Variants in ZNF521 observed in about 807,000 individuals in gnomAD.
ZNF521 encodes the protein LYST-interacting protein 3.
In ZNF521, 14 loss-of-function variants were observed where a neutral mutation model predicts 105.5. That is an observed-to-expected ratio of 0.13 (90% CI 0.09 to 0.21). The LOEUF (loss-of-function observed/expected upper bound fraction) is 0.21. Among genes scored for constraint, ZNF521 ranks in the 10% least tolerant of loss-of-function variants. The probability of loss-of-function intolerance (pLI) is 1.00; values close to 1 mark genes in which losing one functional copy is unlikely to be tolerated. For synonymous variants in ZNF521, 635 were observed against 606.0 expected (o/e 1.05, Z -0.70); for missense variants, 1,233 against 1,629.7 (o/e 0.76, Z 4.19).
chr18:25,170,857 T>A (rs12604465), intron 5 of ZNF521, among the ~76,000 whole-genome samples: 8,654 of 152,192 alleles, frequency 0.057, 461 homozygotes, highest in African/African-American at 0.13. Context: ...ATTTTGGCAT[T>A]TGCATTTATG....
At chr18:25,168,607 T>C (rs1405954630) in intron 5 of ZNF521, among the ~76,000 whole-genome samples, 1 of 152,122 alleles carries the variant, frequency 6.6e-6, no homozygotes, top group Non-Finnish European at 1.5e-5. Context: ...CAGTTAAATA[T>C]CTATACAATT....
At chr18:25,320,145 G>C (rs1379708241) in intron 3 of ZNF521, among the ~76,000 whole-genome samples, 1 of 152,108 alleles carries the variant, frequency 6.6e-6, no homozygotes, top group East Asian at 1.9e-4. Flanking sequence ...TTGTGAATTA[G>C]ATAGTAGTAT....
chr18:25,280,644 C>T (rs1910305383), intron 3 of ZNF521, among the ~76,000 whole-genome samples: 2 of 152,068 alleles, frequency 1.3e-5, no homozygotes, highest in Admixed American at 6.6e-5. Context: ...CAGTAGAGCC[C>T]ACATCCAGTA....
intron 5 of ZNF521, among the ~76,000 whole-genome samples, chr18:25,148,934 T>C (rs77537530): frequency 0.029 from 4,488 of 152,276 alleles, 229 homozygotes; most frequent in African/African-American, 0.1. Context: ...CAGCTTCTGT[T>C]ATGTCCCTTT....
chr18:25,248,226 A>C (rs1266012953), intron 3 of ZNF521, among the ~76,000 whole-genome samples: 1 of 152,214 alleles, frequency 6.6e-6, no homozygotes, highest in African/African-American at 2.4e-5. Context: ...CCCTTATAAA[A>C]AAGGAGTTTG....
intron 2 of ZNF521, among the ~76,000 whole-genome samples, chr18:25,347,972 G>C: frequency 6.6e-6 from 1 of 152,152 alleles, no homozygotes; most frequent in East Asian, 1.9e-4. Flanking sequence ...AGGGCCTATT[G>C]CATTTTCATG....
chr18:25,153,757 T>G (rs1282352767), intron 5 of ZNF521, among the ~76,000 whole-genome samples: 1 of 152,218 alleles, frequency 6.6e-6, no homozygotes, highest in Non-Finnish European at 1.5e-5. Flanking sequence ...GGCTTTAGCA[T>G]GATTGCTTTT....
At chr18:25,260,667 T>C (rs1908845716) in intron 3 of ZNF521, among the ~76,000 whole-genome samples, 1 of 152,150 alleles carries the variant, frequency 6.6e-6, no homozygotes, top group South Asian at 2.1e-4. Flanking sequence ...GGCATGTTAC[T>C]CCAAAAAAGC....
At chr18:25,315,684 C>T (rs1912566920) in intron 3 of ZNF521, 1 of 152,112 alleles carries the variant, frequency 6.6e-6, no homozygotes, top group African/African-American at 2.4e-5. Context: ...TGTATTTGAC[C>T]TTCATCTCCA....
intron 3 of ZNF521, among the ~76,000 whole-genome samples, chr18:25,293,747 A>G (rs2145040673): frequency 6.6e-6 from 1 of 152,256 alleles, no homozygotes; most frequent in Non-Finnish European, 1.5e-5. Flanking sequence ...TTTCTAGCAA[A>G]TGGTGCTTCC....
chr18:25,311,809 T>C, intron 3 of ZNF521, among the ~76,000 whole-genome samples: 1 of 152,236 alleles, frequency 6.6e-6, no homozygotes, highest in East Asian at 1.9e-4. Context: ...CATTATTCAT[T>C]ACACAACTAA....
In ZNF521 at chr18:25,348,680, G is replaced by C. The variant is rs924881598; in HGVS notation, c.40+2227C>G. On this transcript the variant is annotated intron_variant, in intron 2 of 7. Coordinates refer to ENST00000361524, the MANE Select transcript of ZNF521 (RefSeq NM_015461.3). The stretch of plus-strand genomic sequence containing the variant: ...GTTTTTAGTGTAAATATTTTATTTA[G>C]AATTTAGCAGTTGAAACAGATGCTG... Among the ~76,000 whole-genome samples the C allele has an allele frequency of 1.1e-4, 14 of 128,760 alleles. No individual in the cohort carries two copies. The South Asian group carries it at 2.2e-3, about 20-fold the overall frequency. The allele number at this position is 128,760 out of a possible 152,430, so 84.5% of individuals were successfully genotyped here. A position where few individuals can be genotyped will look rare whatever the true frequency, so the allele number is the denominator to read the frequency against.
chr18:25,231,273 G>A (rs184243140), intron 3 of ZNF521, among the ~76,000 whole-genome samples: 20 of 152,304 alleles, frequency 1.3e-4, no homozygotes, highest in East Asian at 5.8e-4. Context: ...CAGGCTAGGC[G>A]CTTCTCTAGT....
At chr18:25,124,021 G>C (rs2034492775) in intron 5 of ZNF521, among the ~76,000 whole-genome samples, 1 of 152,104 alleles carries the variant, frequency 6.6e-6, no homozygotes, top group Non-Finnish European at 1.5e-5. Context: ...CAAGAAATCT[G>C]TGTCCTGGCC....
chr18:25,309,640 T>C (rs1600288540), intron 3 of ZNF521, among the ~76,000 whole-genome samples: 1 of 152,138 alleles, frequency 6.6e-6, no homozygotes, highest in East Asian at 1.9e-4. Flanking sequence ...GAAAAGCAAA[T>C]ATTTTGCATA....
Position 25,226,609 on chromosome 18 carries a change from G to A in ZNF521, c.1309C>T (p.His437Tyr), listed in dbSNP as rs779207441. The part of the protein sequence containing the change: ...TMHLDKPEQA[H>Y]ICQYCLEVLP... ...ACCTCCAAGCAATACTGACAAATAT[G>A]GGCCTGTTCTGGCTTATCTAAGTGC... Residue 437 changes from histidine to tyrosine, a missense_variant, in exon 4 of 8, where the codon CAT (histidine) becomes TAT (tyrosine). By Grantham distance (83) the His-to-Tyr change is moderately conservative. Coordinates refer to ENST00000361524, the MANE Select transcript of ZNF521 (RefSeq NM_015461.3). This position sits in a 1 kb window ranked among gnomAD's most constrained non-coding sequence, Gnocchi z 4.1. The A allele has an allele frequency of 1.7e-5, 27 of 1,614,020 alleles. No homozygotes were observed. Among genetic ancestry groups the A allele is most frequent in the Non-Finnish European group, 2.2e-5 (26 of 1,180,018 alleles).
intron 2 of ZNF521, 180 bp from the exon 3 acceptor site, chr18:25,322,367 A>G: frequency 4.0e-6 from 3 of 750,710 alleles, no homozygotes. Context: ...TTATTCAGTT[A>G]GTGACTATCA....
rs76408430 is a variant in ZNF521 at position 25,174,356 on chromosome 18, C to T, written c.3658+20804G>A. Among the ~76,000 whole-genome samples, 481 of 152,132 alleles carry T rather than the reference C, an allele frequency of 3.2e-3. 2 individuals carry two copies. The highest frequency in any genetic ancestry group is 0.011 in the African/African-American group (455 of 41,470). On this transcript the variant is annotated intron_variant, in intron 5 of 7. Coordinates refer to ENST00000361524, the MANE Select transcript of ZNF521 (RefSeq NM_015461.3). ...GTGATGGTGAAGCTGCTGTTGTCTC[C>T]AGGGAGTGGAAATTCATATCAAAAA...
chr18:25,281,664 CAA>C (rs1198471924), intron 3 of ZNF521, among the ~76,000 whole-genome samples: 3 of 152,120 alleles, frequency 2.0e-5, no homozygotes, highest in Non-Finnish European at 4.4e-5. Context: ...TACAGAAGCA[CAA>C]AGAGTTAGTT....
Sources: allele counts gnomAD v4.1 joint callset (sites outside exome capture counted in the v4.1 genomes callset), GRCh38; gene constraint gnomAD v4.1.1; non-coding constraint Gnocchi (gnomAD v3.1); transcripts MANE v1.5; gene names NCBI Gene and HGNC (gene_info 2026-07-23, HGNC 2026-07-21).